ZBTB8A: variants seen among roughly 807,000 people sequenced by gnomAD.
The protein encoded by ZBTB8A is zinc finger and BTB domain containing 8A, also known as zinc finger and BTB domain-containing protein 8A.
In ZBTB8A, 19 loss-of-function variants were observed where a neutral mutation model predicts 37.8. That is an observed-to-expected ratio of 0.50 (90% confidence interval 0.35 to 0.74). ZBTB8A has a LOEUF of 0.74. Ranked by LOEUF, ZBTB8A falls within the 30% of genes least tolerant of loss-of-function variation. The probability of loss-of-function intolerance (pLI) is 0.01; values close to 1 mark genes in which losing one functional copy is unlikely to be tolerated. For synonymous variants in ZBTB8A, 181 were observed against 185.2 expected (o/e 0.98, Z 0.19); for missense variants, 394 against 537.8 (o/e 0.73, Z 2.65).
intron 1 of ZBTB8A, among the ~76,000 whole-genome samples, chr1:32,540,989 G>C (rs1430092305): frequency 6.6e-6 from 1 of 152,222 alleles, no homozygotes; most frequent in Non-Finnish European, 1.5e-5. Flanking sequence ...GAAATCACCA[G>C]CTTCGCTGTT....
At chr1:32,590,636 C>A (rs1474863773) in intron 2 of ZBTB8A, among the ~76,000 whole-genome samples, 1 of 152,134 alleles carries the variant, frequency 6.6e-6, no homozygotes, top group Non-Finnish European at 1.5e-5. Context: ...GTATTTTATC[C>A]AGCGTCTCTA....
At chr1:32,540,108 T>A (rs1644040758) in intron 1 of ZBTB8A, among the ~76,000 whole-genome samples, 1 of 152,070 alleles carries the variant, frequency 6.6e-6, no homozygotes, top group African/African-American at 2.4e-5. Context: ...ATGCGACATC[T>A]GGGCTTAGAA....
At chr1:32,595,313 G>T in intron 4 of ZBTB8A, 90 bp downstream of exon 4, 1 of 1,337,292 alleles carries the variant, frequency 7.5e-7, no homozygotes, top group Non-Finnish European at 1.0e-6. Flanking sequence ...TTGTTGCCAG[G>T]CTGGAGTACA....
At position 32,604,740 on chromosome 1, in the gene ZBTB8A, T is replaced by C. The variant is rs1403219906; in HGVS notation, c.*4321T>C. ...AGCTCAGAACTCAATTCATTAAAGT[T>C]ATTTTGCCAAGTCATGCCAAGATAT... On this transcript the variant is annotated 3_prime_UTR_variant, in exon 5 of 5. Transcript: ENST00000373510. 1 of 152,196 alleles carries C rather than the reference T, an allele frequency of 6.6e-6. No homozygotes were observed. The highest frequency in any genetic ancestry group is 2.4e-5 in the African/African-American group (1 of 41,448). The allele number at this position is 152,196 out of a possible 1,614,324, so 9.4% of individuals were successfully genotyped here.
At chr1:32,578,395 T>G (rs1570351059) in intron 2 of ZBTB8A, among the ~76,000 whole-genome samples, 1 of 152,012 alleles carries the variant, frequency 6.6e-6, no homozygotes, top group Non-Finnish European at 1.5e-5. Flanking sequence ...GTATTTTTAG[T>G]AGAGACGTGG....
At chr1:32,560,615 C>CTTTTTTTTTTTTTTTT (rs1170510859) in intron 2 of ZBTB8A, among the ~76,000 whole-genome samples, 19 of 90,810 alleles carry the variant, frequency 2.1e-4, no homozygotes, top group East Asian at 1.1e-3. Context: ...TCTTTTCTTT[C>CTTTTTTTTTTTTTTTT]TTTTTTTTTT....
chr1:32,565,446 G>T (rs755377595), intron 2 of ZBTB8A, among the ~76,000 whole-genome samples: 7 of 152,258 alleles, frequency 4.6e-5, no homozygotes, highest in Non-Finnish European at 8.8e-5. Context: ...TTGAGGCTGG[G>T]AGTTAAAGAT....
intron 2 of ZBTB8A, among the ~76,000 whole-genome samples, chr1:32,576,269 G>A (rs894741016): frequency 3.3e-5 from 5 of 152,168 alleles, no homozygotes; most frequent in African/African-American, 1.2e-4. Flanking sequence ...GGCCTTTTAA[G>A]TAAAAGTTTG....
At chr1:32,565,665 T>A (rs865786972) in intron 2 of ZBTB8A, among the ~76,000 whole-genome samples, 8 of 152,162 alleles carry the variant, frequency 5.3e-5, no homozygotes, top group African/African-American at 1.9e-4. Context: ...AAATTTTTTT[T>A]AATTAAAAAT....
intron 2 of ZBTB8A, among the ~76,000 whole-genome samples, chr1:32,573,242 T>TC (rs1246403898): frequency 6.7e-6 from 1 of 150,052 alleles, no homozygotes; most frequent in Admixed American, 6.7e-5. Context: ...GGCTAATTTT[T>TC]TTTTTTTTTT....
intron 1 of ZBTB8A, among the ~76,000 whole-genome samples, chr1:32,545,741 A>G (rs1644098145): frequency 6.6e-6 from 1 of 152,058 alleles, no homozygotes. Context: ...TTGCCTTCCC[A>G]TTTGGTGCTC....
intron 2 of ZBTB8A, 58 bp from the exon 3 acceptor site, chr1:32,592,873 C>G: frequency 7.1e-7 from 1 of 1,410,704 alleles, no homozygotes; most frequent in Non-Finnish European, 9.6e-7. Flanking sequence ...TGTCTCAAAA[C>G]AAAATAAAAT....
At chr1:32,550,724 C>T (rs1047916955) in intron 1 of ZBTB8A, among the ~76,000 whole-genome samples, 26 of 151,948 alleles carry the variant, frequency 1.7e-4, no homozygotes, top group African/African-American at 5.8e-4. Flanking sequence ...TTTGGGAGGC[C>T]GAGGCAGGCG....
rs3004081 is a variant in ZBTB8A at position 32,563,102 on chromosome 1, T to C, written c.-2+9562T>C. Among the ~76,000 whole-genome samples the C allele has an allele frequency of 8.5e-5, 13 of 152,144 alleles. No homozygotes were observed. In the South Asian group the frequency reaches 1.9e-3, roughly 22 times the overall value. ...CAAGGTACTTTATTGTTTTAACTCT[T>C]ATTTTCTGTTTCTTATAAGATTAGT... On this transcript the variant is annotated intron_variant, in intron 2 of 4. Coordinates refer to ENST00000373510, the MANE Select transcript of ZBTB8A (RefSeq NM_001040441.3).
intron 2 of ZBTB8A, among the ~76,000 whole-genome samples, chr1:32,577,046 G>A (rs1217286283): frequency 6.8e-6 from 1 of 147,482 alleles, no homozygotes; most frequent in African/African-American, 2.5e-5. Context: ...CTAATTTTTT[G>A]TATTTTTTAG....
chr1:32,581,084 T>G (rs1475193096), intron 2 of ZBTB8A, among the ~76,000 whole-genome samples: 3 of 123,800 alleles, frequency 2.4e-5, no homozygotes, highest in Non-Finnish European at 4.8e-5. Context: ...AAGGATTATA[T>G]ATAGATAATA....
chr1:32,574,427 A>T (rs1362158307), intron 2 of ZBTB8A, among the ~76,000 whole-genome samples: 1 of 151,894 alleles, frequency 6.6e-6, no homozygotes, highest in African/African-American at 2.4e-5. Flanking sequence ...CAGACCCCTG[A>T]CTCTACAAAA....
At chr1:32,553,937 C>T (rs558750369) in intron 2 of ZBTB8A, among the ~76,000 whole-genome samples, 8 of 147,758 alleles carry the variant, frequency 5.4e-5, no homozygotes, top group Non-Finnish European at 8.9e-5. Context: ...CGGTGGCTCA[C>T]GCCTGTAATC....
rs531741433 is a variant in ZBTB8A at position 32,562,772 on chromosome 1, G to T, written c.-2+9232G>T. ...AATTTTTTTGTATTTTAGTAGAGACGGGGTTTCACCATGTTAGCCAGGCTG... is the reference window on the plus strand; with the variant it reads ...AATTTTTTTGTATTTTAGTAGAGACTGGGTTTCACCATGTTAGCCAGGCTG... On this transcript the variant is annotated intron_variant, in intron 2 of 4. Coordinates refer to ENST00000373510, the MANE Select transcript of ZBTB8A (RefSeq NM_001040441.3). Among the ~76,000 whole-genome samples, 11 of 151,536 alleles carry T rather than the reference G, an allele frequency of 7.3e-5. No individual in the cohort carries two copies. The East Asian group carries it at 2.1e-3, about 29-fold the overall frequency.
Sources: gnomAD v4.1 joint callset for allele counts (sites outside exome capture counted in the v4.1 genomes callset) on GRCh38, gnomAD v4.1.1 for gene constraint, MANE v1.5 for transcripts, NCBI Gene and HGNC (gene_info 2026-07-23, HGNC 2026-07-21) for gene names.